PI4K2B: variants seen among roughly 807,000 people sequenced by gnomAD.
PI4K2B encodes the protein phosphatidylinositol 4-kinase type 2 beta, also known as phosphatidylinositol 4-kinase type 2-beta.
In PI4K2B, 46 loss-of-function variants were observed where a neutral mutation model predicts 56.6. That is an observed-to-expected ratio of 0.81 (90% CI 0.64 to 1.04). PI4K2B has a LOEUF of 1.04. Among genes scored for constraint, PI4K2B ranks in the 50% least tolerant of loss-of-function variants. The pLI, the probability that PI4K2B is intolerant of heterozygous loss-of-function variation, is 0.00. For missense variants in PI4K2B, 556 were observed against 607.7 expected, an observed-to-expected ratio of 0.91 and a Z score of 0.89; for synonymous variants, 211 against 223.8, an observed-to-expected ratio of 0.94 and a Z score of 0.51.
At chr4:25,275,953 A>G (rs757890321) in intron 9 of PI4K2B, among the ~76,000 whole-genome samples, 4 of 152,150 alleles carry the variant, frequency 2.6e-5, no homozygotes, top group Non-Finnish European at 5.9e-5. Context: ...CAATCAGTCA[A>G]TCAATCAATC....
rs549997134 is a variant in PI4K2B at position 25,248,756 on chromosome 4, A to C, written c.269-3565A>C. Among the ~76,000 whole-genome samples the C allele has an allele frequency of 2.7e-5, 4 of 147,874 alleles. No homozygotes were observed. In the South Asian group the frequency reaches 8.9e-4, roughly 33 times the overall value. On this transcript the variant is annotated intron_variant, in intron 1 of 9. Transcript: ENST00000264864. Reference sequence around the variant, plus strand: ...GATTTAGATAGCATAGTAAGAATTCAGCCTCAAATGAGTCAGAGCTAATAA... The same window carrying C: ...GATTTAGATAGCATAGTAAGAATTCCGCCTCAAATGAGTCAGAGCTAATAA...
intron 1 of PI4K2B, among the ~76,000 whole-genome samples, chr4:25,249,976 G>A (rs943547557): frequency 1.3e-5 from 2 of 152,200 alleles, no homozygotes; most frequent in African/African-American, 4.8e-5. Flanking sequence ...CCGGCACCTC[G>A]GGAGGCCGAG....
chr4:25,238,743 C>G (rs1037063699), intron 1 of PI4K2B, among the ~76,000 whole-genome samples: 4 of 152,106 alleles, frequency 2.6e-5, no homozygotes, highest in Non-Finnish European at 5.9e-5. Context: ...AGTGTTACAG[C>G]TCATAAAGGC....
chr4:25,234,409 C>T lies in PI4K2B; in HGVS notation c.246C>T (p.Asp82=), dbSNP rs541279648. Reference sequence around the variant, plus strand: ...CCCGGAGTTCGTCCGCCGAGCTGGACCGGAGCCGCCCCGCGGTTTCAGGTG... The same window carrying T: ...CCCGGAGTTCGTCCGCCGAGCTGGATCGGAGCCGCCCCGCGGTTTCAGGTG... ...GVSRSSSAEL[D]RSRPAVSVTI... The change falls in exon 1 of 10, where the codon GAC becomes GAT. Residue 82 remains aspartate (D), a synonymous_variant. Transcript: ENST00000264864. 343 of 1,367,122 alleles carry T rather than the reference C, an allele frequency of 2.5e-4. No individual in the cohort carries two copies. The African/African-American group carries it at 4.9e-3, about 20-fold the overall frequency. The allele number at this position is 1,367,122 out of a possible 1,614,324, so 84.7% of individuals were successfully genotyped here.
intron 1 of PI4K2B, among the ~76,000 whole-genome samples, chr4:25,247,890 A>G (rs543493340): frequency 6.6e-6 from 1 of 152,134 alleles, no homozygotes; most frequent in South Asian, 2.1e-4. Context: ...TTTTGTGGAG[A>G]TAGGGTCTCA....
In PI4K2B at chr4:25,248,818, A is replaced by AT. The variant is rs748312328; in HGVS notation, c.269-3496dup. Among the ~76,000 whole-genome samples the AT allele has an allele frequency of 1.1e-4, 16 of 151,878 alleles. No homozygotes were observed. In the East Asian group the frequency reaches 2.9e-3, roughly 28 times the overall value. On this transcript the variant is annotated intron_variant, in intron 1 of 9. Coordinates refer to ENST00000264864, the MANE Select transcript of PI4K2B (RefSeq NM_018323.4). ...TTTTATTTTTATTTTTATTTTTTTA[A>AT]TTTTTTTAGTATTTATTGATCATTC...
At chr4:25,276,905 T>G (rs1281718561) in intron 9 of PI4K2B, 109 bp from the exon 10 acceptor site, 3 of 1,399,396 alleles carry the variant, frequency 2.1e-6, no homozygotes, top group South Asian at 3.7e-5. Context: ...TCTCTGTTGC[T>G]CATAAATGGA....
rs116364038 is a variant in PI4K2B, at chr4:25,255,178, C to T, written c.537C>T (p.Cys179=). The change falls in exon 3 of 10, where the codon TGC becomes TGT. Residue 179 remains cysteine (C), a synonymous_variant. Transcript: ENST00000264864. ...VCCPCCFGRG[C]LIPNQGYLSE... is the part of the protein sequence containing the mutation. ...GCCCTTGCTGCTTTGGCCGAGGCTG[C>T]CTGATTCCTAATCAGGGGTACCTTT... 5.0e-6 allele frequency: 8 copies of T among 1,614,130 alleles called. No homozygotes were observed. In the East Asian group the frequency reaches 1.8e-4, roughly 36 times the overall value.
At chr4:25,273,259 T>G (rs1716974578) in intron 9 of PI4K2B, among the ~76,000 whole-genome samples, 1 of 152,214 alleles carries the variant, frequency 6.6e-6, no homozygotes, top group Admixed American at 6.5e-5. Flanking sequence ...TATTCTAATT[T>G]GGAACACTGA....
At chr4:25,241,814 C>T (rs865923907) in intron 1 of PI4K2B, among the ~76,000 whole-genome samples, 6 of 152,188 alleles carry the variant, frequency 3.9e-5, no homozygotes, top group Middle Eastern at 3.2e-3. Context: ...GCTATCTCGG[C>T]TCCCTCTGTG....
chr4:25,253,627 T>C (rs1716144239), intron 2 of PI4K2B, among the ~76,000 whole-genome samples: 1 of 152,234 alleles, frequency 6.6e-6, no homozygotes, highest in Non-Finnish European at 1.5e-5. Context: ...AAAGCAATTA[T>C]ATACTTAAAA....
chr4:25,252,559 G>C (rs1716102656), intron 2 of PI4K2B, 84 bp downstream of exon 2: 4 of 961,246 alleles, frequency 4.2e-6, no homozygotes, highest in South Asian at 3.1e-5. Context: ...AGTTTCTAAA[G>C]ATATTTTCCT....
intron 3 of PI4K2B, among the ~76,000 whole-genome samples, chr4:25,256,262 A>T (rs769420412): frequency 5.9e-5 from 9 of 152,208 alleles, no homozygotes; most frequent in Non-Finnish European, 1.3e-4. Flanking sequence ...CTTCTTCCTT[A>T]AAATGTTTAT....
chr4:25,257,187 A>G (rs1054956241), intron 4 of PI4K2B, among the ~76,000 whole-genome samples: 14 of 151,730 alleles, frequency 9.2e-5, no homozygotes, highest in African/African-American at 3.1e-4. Context: ...GCTTCTGAGT[A>G]GCTGGGACCA....
At position 25,260,548 on chromosome 4, in the gene PI4K2B, T is replaced by C. The variant is rs1300892112; in HGVS notation, c.935T>C (p.Val312Ala). The C allele has an allele frequency of 6.9e-7, 1 of 1,441,716 alleles. No individual in the cohort carries two copies. 89.3% of individuals were successfully genotyped at this position (1,441,716 alleles called of 1,614,324 possible). A position where few individuals can be genotyped will look rare whatever the true frequency, so the allele number is the denominator to read the frequency against. Reference protein sequence around the residue: ...NTDRGNDNWLVRYEKQKCEKE... With the variant: ...NTDRGNDNWLARYEKQKCEKE... ...GACAGGGGCAATGATAATTGGTTAG[T>C]CAGATACGAAAAGCAGAAATGTGAA... The change falls in exon 6 of 10, where the codon GTC becomes GCC. Residue 312 changes from valine to alanine, a missense_variant. Transcript: ENST00000264864.
Position 25,269,178 on chromosome 4 carries a change from G to A in PI4K2B, c.1247G>A (p.Ser416Asn), listed in dbSNP as rs1349526433. 6.3e-7 allele frequency: 1 copy of A among 1,589,948 alleles called. No individual in the cohort carries two copies. Among genetic ancestry groups the A allele is most frequent in the Non-Finnish European group, 8.6e-7 (1 of 1,158,600 alleles). Residue 416 changes from serine (S) to asparagine (N), a missense_variant, in exon 9 of 10, where the codon AGT (serine) becomes AAT (asparagine). By Grantham distance (46) the Ser-to-Asn change is conservative (BLOSUM62 1). Coordinates refer to ENST00000264864, the MANE Select transcript of PI4K2B (RefSeq NM_018323.4). ...DKGFDKATFE[S>N]QMSVMRGQIL... is the part of the protein sequence containing the mutation. ...GGATTTGACAAAGCCACTTTTGAAAGTCAGATGTCTGTGATGAGGGGTCAG... is the reference window on the plus strand; with the variant it reads ...GGATTTGACAAAGCCACTTTTGAAAATCAGATGTCTGTGATGAGGGGTCAG...
intron 9 of PI4K2B, among the ~76,000 whole-genome samples, chr4:25,275,839 C>T (rs1717072494): frequency 6.6e-6 from 1 of 152,002 alleles, no homozygotes; most frequent in African/African-American, 2.4e-5. Flanking sequence ...TGTGGTGGCT[C>T]ACACCTGTAA....
chr4:25,276,650 A>C (rs911303616), intron 9 of PI4K2B: 1 of 984,248 alleles, frequency 1.0e-6, no homozygotes, highest in Non-Finnish European at 1.2e-6. Context: ...CAGACTGTTT[A>C]AACCAGTATT....
At position 25,265,160 on chromosome 4, in the gene PI4K2B, A is replaced by G. The variant is rs950056164; in HGVS notation, c.1078+1311A>G. Among the ~76,000 whole-genome samples the G allele has an allele frequency of 1.4e-4, 18 of 131,262 alleles. No homozygotes were observed. The Admixed American group carries it at 1.4e-3, about 10-fold the overall frequency. The allele number at this position is 131,262 out of a possible 152,430, so 86.1% of individuals were successfully genotyped here. ...CTGTGAGCCGAGATCGCGCCATTGC[A>G]CTCCAGCCTGGGCAACAAGAGTAAA... On this transcript the variant is annotated intron_variant, in intron 7 of 9. Coordinates refer to ENST00000264864, the MANE Select transcript of PI4K2B (RefSeq NM_018323.4).
Sources: allele counts gnomAD v4.1 joint callset (sites outside exome capture counted in the v4.1 genomes callset), GRCh38; gene constraint gnomAD v4.1.1; transcripts MANE v1.5; gene names NCBI Gene and HGNC (gene_info 2026-07-23, HGNC 2026-07-21).